RPGR: variants seen among roughly 807,000 people sequenced by gnomAD.
RPGR encodes the protein X-linked retinitis pigmentosa GTPase regulator.
In RPGR, 10 loss-of-function variants were observed where a neutral mutation model predicts 56.3. That is an observed-to-expected ratio of 0.18 (90% confidence interval 0.11 to 0.30). RPGR has a LOEUF of 0.30. RPGR is among the 10% of genes least tolerant of loss of function. RPGR has a pLI of 1.00. For synonymous variants in RPGR, 197 were observed against 212.9 expected, an observed-to-expected ratio of 0.93 and a Z score of 0.65; for missense variants, 538 against 590.9, an observed-to-expected ratio of 0.91 and a Z score of 0.93.
intron 3 of RPGR, among the ~76,000 whole-genome samples, chrX:38,322,152 A>G (rs2067953699): frequency 8.9e-6 from 1 of 112,163 alleles, no homozygotes; most frequent in South Asian, 3.7e-4. Flanking sequence ...TGAAATTTTG[A>G]GCTGAAATTA....
chrX:38,303,947 A>G, intron 8 of RPGR: 1 of 283,326 alleles, frequency 3.5e-6, no homozygotes, highest in South Asian at 2.3e-4. Flanking sequence ...CCCGTTTGTC[A>G]CAAAGCATTG....
chrX:38,323,064 A>G, intron 2 of RPGR, 119 bp from the exon 3 acceptor site: 2 of 593,572 alleles, frequency 3.4e-6, no homozygotes, highest in Non-Finnish European at 5.7e-6. Context: ...CTGTGTTGAA[A>G]TAAGTTACCT....
chrX:38,291,620 G>A, intron 11 of RPGR, 136 bp from the exon 12 acceptor site: 1 of 413,675 alleles, frequency 2.4e-6, no homozygotes, highest in Non-Finnish European at 4.2e-6. Flanking sequence ...CTCATGTCAG[G>A]GAAATTGAAA....
chrX:38,299,904 G>C (rs964910357), intron 9 of RPGR, among the ~76,000 whole-genome samples: 1 of 110,688 alleles, frequency 9.0e-6, no homozygotes, highest in African/African-American at 3.3e-5. Context: ...AATGAATGAG[G>C]TCCTGGTTAT....
intron 3 of RPGR, 38 bp from the exon 4 acceptor site, chrX:38,321,127 A>G (rs776028894): frequency 2.0e-6 from 2 of 1,005,015 alleles, no homozygotes; most frequent in Non-Finnish European, 2.8e-6. Context: ...TTTTATAGCA[A>G]TGAAAATGAA....
intron 15 of RPGR, chrX:38,284,850 T>C (rs1045436722): frequency 1.3e-6 from 1 of 750,320 alleles, no homozygotes; most frequent in African/African-American, 2.3e-5. Flanking sequence ...CTTCAAGTTT[T>C]ACATATTTCC....
intron 15 of RPGR, among the ~76,000 whole-genome samples, chrX:38,282,597 A>G (rs1225285232): frequency 8.9e-6 from 1 of 111,747 alleles, no homozygotes; most frequent in African/African-American, 3.3e-5. Context: ...CTGCTCCCTT[A>G]TTCTCGATCT....
intron 6 of RPGR, among the ~76,000 whole-genome samples, chrX:38,311,761 TG>T (rs1230297211): frequency 1.8e-5 from 2 of 111,600 alleles, no homozygotes; most frequent in Non-Finnish European, 3.8e-5. Context: ...TTTCAGCTGC[TG>T]TGGCCAGTTG....
rs188130113 is a variant in RPGR at position 38,323,663 on chromosome X, T to C, written c.29-139A>G. ...CACTCTGGCAATGTTTAAGCCTTCC[T>C]TCTTCCACCTTAATTCAGTCTTTCT... On this transcript the variant is annotated intron_variant, in intron 1 of 18. Coordinates refer to ENST00000642395, the MANE Select transcript of RPGR (RefSeq NM_000328.3). 90 of 589,241 alleles carry C rather than the reference T, an allele frequency of 1.5e-4. No homozygotes were observed. The African/African-American group carries it at 1.8e-3, about 12-fold the overall frequency. The allele number at this position is 589,241 out of a possible 1,213,427, so 48.6% of individuals were successfully genotyped here.
intron 4 of RPGR, among the ~76,000 whole-genome samples, chrX:38,320,154 A>G (rs1474546111): frequency 9.5e-6 from 1 of 105,585 alleles, no homozygotes; most frequent in Non-Finnish European, 2.0e-5. Flanking sequence ...ATCTCAAGAA[A>G]TAATCTTAAA....
At chrX:38,306,407 C>A (rs1156353651) in intron 7 of RPGR, among the ~76,000 whole-genome samples, 1 of 112,098 alleles carries the variant, frequency 8.9e-6, no homozygotes, top group Non-Finnish European at 1.9e-5. Flanking sequence ...CTAATCAACT[C>A]ATTCTATCAA....
At chrX:38,295,067 T>C (rs1002777167) in intron 11 of RPGR, among the ~76,000 whole-genome samples, 2 of 112,261 alleles carry the variant, frequency 1.8e-5, no homozygotes, top group Admixed American at 9.4e-5. Flanking sequence ...AACATTCATA[T>C]CACGTAGGTC....
At chrX:38,288,185 A>G (rs1294785846) in intron 13 of RPGR, 144 bp from the exon 14 acceptor site, 6 of 542,183 alleles carry the variant, frequency 1.1e-5, no homozygotes, top group East Asian at 3.6e-5. Context: ...ATATTTTGCT[A>G]AAGTTTTGTT....
At chrX:38,313,013 C>T (rs9792745) in intron 6 of RPGR, among the ~76,000 whole-genome samples, 13,074 of 110,463 alleles carry the variant, frequency 0.12, 917 homozygotes, top group East Asian at 0.57. Context: ...ATCCATGATC[C>T]CTAACCTCTA....
At chrX:38,293,508 T>C (rs750576734) in intron 11 of RPGR, among the ~76,000 whole-genome samples, 18 of 112,245 alleles carry the variant, frequency 1.6e-4, no homozygotes, top group Non-Finnish European at 2.8e-4. Context: ...TCATAAATAT[T>C]AGGAATTCAC....
intron 8 of RPGR, among the ~76,000 whole-genome samples, chrX:38,301,874 C>T (rs2067507614): frequency 9.0e-6 from 1 of 110,872 alleles, no homozygotes; most frequent in Non-Finnish European, 1.9e-5. Flanking sequence ...TTGGCCTCCA[C>T]CCACTAAATG....
chrX:38,301,413 T>C lies in RPGR; in HGVS notation c.935-42A>G, dbSNP rs751712652. 3 of 1,098,913 alleles carry C rather than the reference T, an allele frequency of 2.7e-6. No homozygotes were observed. The Admixed American group carries it at 6.6e-5, about 24-fold the overall frequency. The allele number at this position is 1,098,913 out of a possible 1,213,427, so 90.6% of individuals were successfully genotyped here. A position where few individuals can be genotyped will look rare whatever the true frequency, so the allele number is the denominator to read the frequency against. On this transcript the variant is annotated intron_variant, in intron 8 of 18. Transcript: ENST00000642395. The stretch of plus-strand genomic sequence containing the variant: ...ATGAAGAGAATTATAAAAGTGTTAC[T>C]TGTATGGATCTATTTGTAAACAGAT...
intron 4 of RPGR, 74 bp from the exon 5 acceptor site, chrX:38,319,061 G>T: frequency 9.6e-7 from 1 of 1,042,557 alleles, no homozygotes. Context: ...GTATAGCAGC[G>T]ATTTCCTCTA....
At chrX:38,270,623 CAA>C (rs201791415) in intron 18 of RPGR, among the ~76,000 whole-genome samples, 8 of 42,317 alleles carry the variant, frequency 1.9e-4, no homozygotes, top group Non-Finnish European at 2.0e-4. Flanking sequence ...ACTCTGTCCC[CAA>C]AAAAAAAAAA....
Sources: gnomAD v4.1 joint callset for allele counts (sites outside exome capture counted in the v4.1 genomes callset) on GRCh38, gnomAD v4.1.1 for gene constraint, MANE v1.5 for transcripts, NCBI Gene and HGNC (gene_info 2026-07-23, HGNC 2026-07-21) for gene names.